The following SH2D1A variants were observed in gnomAD, a reference collection of about 807,000 sequenced individuals.
SH2D1A encodes the protein SH2 domain-containing protein 1A.
A neutral mutation model predicts 10.1 loss-of-function variants in SH2D1A; 6 were observed. The ratio of observed to expected loss-of-function variants is 0.60; its 90% CI spans 0.33 to 1.18. The LOEUF is 1.18. Among genes scored for constraint, SH2D1A ranks in the 50% most tolerant of loss-of-function variants. The pLI, the probability that SH2D1A is intolerant of heterozygous loss-of-function variation, is 0.04. For synonymous variants in SH2D1A, 42 were observed against 36.9 expected (o/e 1.14, Z -0.51); for missense variants, 51 against 97.6 (o/e 0.52, Z 2.01).
intron 1 of SH2D1A, among the ~76,000 whole-genome samples, chrX:124,363,916 A>AAAAAAAAAAAG (rs1569527532): frequency 3.5e-5 from 3 of 85,078 alleles, no homozygotes; most frequent in African/African-American, 4.7e-5. Context: ...AAAAAAAAAA[A>AAAAAAAAAAAG]GAAAGAAAAA....
intron 1 of SH2D1A, chrX:124,353,078 T>C (rs1231625761): frequency 1.7e-5 from 2 of 117,107 alleles, no homozygotes; most frequent in African/African-American, 6.4e-5. Context: ...ATTATTACAA[T>C]GCATACATGT....
At position 124,372,508 on chromosome X, in the gene SH2D1A, G is replaced by A. The variant is rs7888021; in HGVS notation, c.*1117G>A. ...ATAAAAGACAGTGAAAGAAAATAAC[G>A]ATAAAAGACAGTGAAAGAAAATAAC... On this transcript the variant is annotated 3_prime_UTR_variant, in exon 4 of 4. Coordinates refer to ENST00000371139, the MANE Select transcript of SH2D1A (RefSeq NM_002351.5). 2.9e-5 allele frequency: 5 copies of A among 170,370 alleles called. No individual in the cohort carries two copies. Among genetic ancestry groups the A allele is most frequent in the East Asian group, 8.3e-5 (1 of 12,036 alleles). The allele number at this position is 170,370 out of a possible 1,213,427, so 14.0% of individuals were successfully genotyped here.
intron 3 of SH2D1A, 43 bp downstream of exon 3, chrX:124,370,363 A>T (rs1430950270): frequency 9.4e-7 from 1 of 1,065,033 alleles, no homozygotes; most frequent in South Asian, 1.9e-5. Context: ...GGAAGCTCAG[A>T]GTTATGAGTC....
chrX:124,366,311 TC>T (rs1449704849), intron 2 of SH2D1A, among the ~76,000 whole-genome samples: 1 of 111,266 alleles, frequency 9.0e-6, no homozygotes, highest in African/African-American at 3.3e-5. Context: ...AGGTCTGGTC[TC>T]CCCTCCTCTC....
At chrX:124,368,176 C>T (rs796685081) in intron 2 of SH2D1A, among the ~76,000 whole-genome samples, 3 of 111,257 alleles carry the variant, frequency 2.7e-5, no homozygotes, top group South Asian at 7.8e-4. Context: ...GAGACAGAGT[C>T]TCACTCTGTC....
At chrX:124,359,873 G>A (rs2060035876) in intron 1 of SH2D1A, among the ~76,000 whole-genome samples, 1 of 110,942 alleles carries the variant, frequency 9.0e-6, no homozygotes, top group African/African-American at 3.3e-5. Context: ...TGGCCCTTTA[G>A]GTAATCAGTT....
At chrX:124,351,346 T>C (rs28416277) in intron 1 of SH2D1A, among the ~76,000 whole-genome samples, 1,604 of 109,193 alleles carry the variant, frequency 0.015, 32 homozygotes, top group African/African-American at 0.049. Flanking sequence ...TTTTTGTTAT[T>C]ATAAATTCCA....
chrX:124,350,991 A>ATTG (rs1290171301), intron 1 of SH2D1A, among the ~76,000 whole-genome samples: 5 of 42,097 alleles, frequency 1.2e-4, no homozygotes, highest in African/African-American at 1.1e-3. Context: ...TATATTATAT[A>ATTG]TATATTATAA....
At chrX:124,346,839 T>C in intron 1 of SH2D1A, 60 bp downstream of exon 1, 15 of 1,190,366 alleles carry the variant, frequency 1.3e-5, no homozygotes, top group Non-Finnish European at 1.7e-5. Context: ...CAACAGCAGC[T>C]GGGGCCAGGG....
chrX:124,356,194 G>C (rs1052696353), intron 1 of SH2D1A, among the ~76,000 whole-genome samples: 1 of 109,490 alleles, frequency 9.1e-6, no homozygotes, highest in Non-Finnish European at 1.9e-5. Context: ...GAGAATGATC[G>C]TTTCCAGCTT....
intron 2 of SH2D1A, among the ~76,000 whole-genome samples, chrX:124,368,725 A>G (rs1384257766): frequency 8.9e-6 from 1 of 112,535 alleles, no homozygotes; most frequent in East Asian, 2.8e-4. Context: ...TCAGCCAATA[A>G]CTGCCATTTT....
At chrX:124,350,416 A>T (rs1414322478) in intron 1 of SH2D1A, among the ~76,000 whole-genome samples, 10 of 20,260 alleles carry the variant, frequency 4.9e-4, no homozygotes, top group African/African-American at 1.8e-3. Flanking sequence ...ATAATATATA[A>T]ATATATATTA....
chrX:124,346,777 G>C lies in SH2D1A; in HGVS notation c.135G>C (p.Val45=), dbSNP rs1330193938. Reference sequence around the variant, plus strand: ...TGCCAGGCGTGTACTGCCTATGTGTGCTGTGAGTATGATACGGTGGACATG... The same window carrying C: ...TGCCAGGCGTGTACTGCCTATGTGTCCTGTGAGTATGATACGGTGGACATG... ...ESVPGVYCLC[V]LYHGYIYTYR... is the part of the protein sequence containing the mutation. The change falls in exon 1 of 4, where the codon GTG becomes GTC. Residue 45 remains valine, a splice_region_variant and synonymous_variant. Coordinates refer to ENST00000371139, the MANE Select transcript of SH2D1A (RefSeq NM_002351.5). 8.3e-7 allele frequency: 1 copy of C among 1,209,972 alleles called. No individual in the cohort carries two copies. The highest frequency in any genetic ancestry group is 1.1e-6 in the Non-Finnish European group (1 of 894,942).
intron 1 of SH2D1A, among the ~76,000 whole-genome samples, chrX:124,348,063 T>C (rs2059998493): frequency 8.9e-6 from 1 of 111,882 alleles, no homozygotes; most frequent in Non-Finnish European, 1.9e-5. Flanking sequence ...TTTTTCACTG[T>C]ATATTGTTTT....
chrX:124,370,578 T>C (rs751227343), intron 3 of SH2D1A, among the ~76,000 whole-genome samples: 2 of 112,305 alleles, frequency 1.8e-5, no homozygotes, highest in African/African-American at 6.5e-5. Flanking sequence ...GTCTGTCTCA[T>C]CTTGTTCTTT....
Position 124,350,278 on chromosome X carries a change from A to T in SH2D1A, c.137+3499A>T, listed in dbSNP as rs867605583. On this transcript the variant is annotated intron_variant, in intron 1 of 3. Coordinates refer to ENST00000371139, the MANE Select transcript of SH2D1A (RefSeq NM_002351.5). Reference sequence around the variant, plus strand: ...TAATATATAAATATATATTATATATAATATTATATAATATATAATATATAA... The same window carrying T: ...TAATATATAAATATATATTATATATTATATTATATAATATATAATATATAA... Among the ~76,000 whole-genome samples the T allele has an allele frequency of 1.1e-3, 24 of 22,700 alleles. 3 individuals are homozygous for T. Among genetic ancestry groups the T allele is most frequent in the South Asian group, 5.3e-3 (3 of 567 alleles). 19.7% of individuals were successfully genotyped at this position (22,700 alleles called of 115,157 possible).
intron 1 of SH2D1A, among the ~76,000 whole-genome samples, chrX:124,358,717 A>T (rs1284535607): frequency 8.9e-6 from 1 of 112,158 alleles, no homozygotes; most frequent in Non-Finnish European, 1.9e-5. Flanking sequence ...GACAACAGGG[A>T]AGTTGCCATC....
At chrX:124,355,327 C>CAGTT (rs2060023830) in intron 1 of SH2D1A, among the ~76,000 whole-genome samples, 1 of 111,256 alleles carries the variant, frequency 9.0e-6, no homozygotes, top group Admixed American at 9.6e-5. Flanking sequence ...AACCTGGACA[C>CAGTT]TTTTTTACAG....
At chrX:124,359,811 T>C (rs1048096647) in intron 1 of SH2D1A, among the ~76,000 whole-genome samples, 5 of 112,416 alleles carry the variant, frequency 4.4e-5, no homozygotes, top group Non-Finnish European at 7.5e-5. Flanking sequence ...ATTGACCTTT[T>C]GTTCAGTGTC....
Sources: allele counts gnomAD v4.1 joint callset (sites outside exome capture counted in the v4.1 genomes callset), GRCh38; gene constraint gnomAD v4.1.1; transcripts MANE v1.5; gene names NCBI Gene and HGNC (gene_info 2026-07-23, HGNC 2026-07-21).